Variants in HECW2 observed in about 807,000 individuals in gnomAD.
HECW2 encodes HECT, C2 and WW domain containing E3 ubiquitin protein ligase 2.
In HECW2, 61 loss-of-function variants were observed where a neutral mutation model predicts 175.2. The observed-to-expected ratio is 0.35, with a 90% CI of 0.28 to 0.43. The LOEUF (loss-of-function observed/expected upper bound fraction) is 0.43, where lower values mean the gene tolerates loss of function less well. Among genes scored for constraint, HECW2 ranks in the 20% least tolerant of loss-of-function variants. The pLI, the probability that HECW2 is intolerant of heterozygous loss-of-function variation, is 1.00. For missense variants in HECW2, 1,524 were observed against 2,000.5 expected, an observed-to-expected ratio of 0.76 and a Z score of 4.54; for synonymous variants, 671 against 731.0, an observed-to-expected ratio of 0.92 and a Z score of 1.32.
At chr2:196,484,321 T>TC (rs1368455295) in intron 1 of HECW2, among the ~76,000 whole-genome samples, 1 of 152,202 alleles carries the variant, frequency 6.6e-6, no homozygotes, top group African/African-American at 2.4e-5. Context: ...ACTAGGTTAC[T>TC]CCTCTTGCAA....
At chr2:196,531,424 G>A (rs758387857) in intron 1 of HECW2, among the ~76,000 whole-genome samples, 1 of 152,170 alleles carries the variant, frequency 6.6e-6, no homozygotes, top group African/African-American at 2.4e-5. Context: ...TTGGGAGGCT[G>A]AAGTGGATGG....
At chr2:196,243,912 T>C (rs1258559785) in intron 19 of HECW2, among the ~76,000 whole-genome samples, 1 of 152,218 alleles carries the variant, frequency 6.6e-6, no homozygotes, top group Non-Finnish European at 1.5e-5. Context: ...AATCTGGTTT[T>C]GTGTCACTGG....
chr2:196,269,920 T>C (rs1034263583), intron 17 of HECW2, among the ~76,000 whole-genome samples: 31 of 152,198 alleles, frequency 2.0e-4, no homozygotes, highest in Admixed American at 2.0e-3. Flanking sequence ...ATTAAATTTC[T>C]GGGTAGGGCA....
chr2:196,402,573 AGT>A (rs1694850543), intron 2 of HECW2, among the ~76,000 whole-genome samples: 1 of 152,172 alleles, frequency 6.6e-6, no homozygotes, highest in African/African-American at 2.4e-5. Flanking sequence ...GCTTTTTGTC[AGT>A]GTGAGTGATA....
chr2:196,429,245 G>GC (rs1695636175), intron 2 of HECW2, among the ~76,000 whole-genome samples: 1 of 151,714 alleles, frequency 6.6e-6, no homozygotes, highest in African/African-American at 2.4e-5. Flanking sequence ...GAGCCTGGGG[G>GC]GGGCCTACCT....
In HECW2 at chr2:196,397,692, T is replaced by A. The variant is rs1575499720; in HGVS notation, c.292+35440A>T. Among the ~76,000 whole-genome samples the A allele has an allele frequency of 2.6e-5, 4 of 152,332 alleles. No individual in the cohort carries two copies. The Middle Eastern group carries it at 0.014, about 518-fold the overall frequency. Reference sequence around the variant, plus strand: ...AATGGCCAAGGCATGTTTTCCCGTTTAAATTAAGAAAGTAAATTGCAACAA... The same window carrying A: ...AATGGCCAAGGCATGTTTTCCCGTTAAAATTAAGAAAGTAAATTGCAACAA... On this transcript the variant is annotated intron_variant, in intron 2 of 28. Coordinates refer to ENST00000644978, the MANE Select transcript of HECW2 (RefSeq NM_001348768.2).
intron 19 of HECW2, among the ~76,000 whole-genome samples, chr2:196,245,097 A>C (rs143469431): frequency 6.6e-6 from 1 of 152,234 alleles, no homozygotes; most frequent in African/African-American, 2.4e-5. Context: ...GACTCAGAGA[A>C]ACATCTACAA....
At position 196,282,355 on chromosome 2, in the gene HECW2, T is replaced by C. The variant is rs1398190737; in HGVS notation, c.3001-3693A>G. Among the ~76,000 whole-genome samples, 8 of 152,314 alleles carry C rather than the reference T, an allele frequency of 5.3e-5. No individual in the cohort carries two copies. In the South Asian group the frequency reaches 1.0e-3, roughly 20 times the overall value. On this transcript the variant is annotated intron_variant, in intron 14 of 28. Coordinates refer to ENST00000644978, the MANE Select transcript of HECW2 (RefSeq NM_001348768.2). ...ATTGTTGAGGAAAAGAGTCAAACTC[T>C]GTAAAATATTTGAAGAGATTTATTC...
rs1331668530 is a variant in HECW2 at position 196,559,935 on chromosome 2, G to A, written c.-36+33573C>T. Among the ~76,000 whole-genome samples the A allele has an allele frequency of 2.6e-5, 4 of 152,148 alleles. No homozygotes were observed. The East Asian group carries it at 7.7e-4, about 29-fold the overall frequency. On this transcript the variant is annotated intron_variant, in intron 1 of 28. Transcript: ENST00000644978. ...TTCCTAATTATGCTATTTAGTATCTGCAGGTACTTCACAAGATGAGTCTTT... is the reference window on the plus strand; with the variant it reads ...TTCCTAATTATGCTATTTAGTATCTACAGGTACTTCACAAGATGAGTCTTT...
chr2:196,425,054 A>G (rs567544888), intron 2 of HECW2, among the ~76,000 whole-genome samples: 35 of 152,232 alleles, frequency 2.3e-4, no homozygotes, highest in African/African-American at 8.2e-4. Flanking sequence ...CTCATTTACC[A>G]TTCCAGAAAT....
chr2:196,538,127 G>A (rs1370714800), intron 1 of HECW2, among the ~76,000 whole-genome samples: 2 of 152,128 alleles, frequency 1.3e-5, no homozygotes, highest in Non-Finnish European at 1.5e-5. Flanking sequence ...TACCTGCATC[G>A]TTTCTCTACC....
At chr2:196,323,495 A>G (rs1692025219) in intron 6 of HECW2, among the ~76,000 whole-genome samples, 1 of 152,216 alleles carries the variant, frequency 6.6e-6, no homozygotes, top group Non-Finnish European at 1.5e-5. Flanking sequence ...GTGTTAGCCA[A>G]CTTTTCACTT....
chr2:196,289,238 T>G (rs1464908122), intron 14 of HECW2: 1 of 152,240 alleles, frequency 6.6e-6, no homozygotes, highest in Non-Finnish European at 1.5e-5. Flanking sequence ...CCATTTCCTT[T>G]CATGCAGATG....
chr2:196,580,988 T>G (rs534541549), intron 1 of HECW2, among the ~76,000 whole-genome samples: 3 of 152,298 alleles, frequency 2.0e-5, no homozygotes, highest in African/African-American at 7.2e-5. Flanking sequence ...TAGTGACACA[T>G]GCTACAACAT....
intron 1 of HECW2, among the ~76,000 whole-genome samples, chr2:196,519,923 C>T (rs990163959): frequency 6.6e-6 from 1 of 152,130 alleles, no homozygotes; most frequent in African/African-American, 2.4e-5. Flanking sequence ...CCCTCCAATC[C>T]ACACTAGTGA....
chr2:196,358,607 A>G (rs986211693), intron 2 of HECW2, among the ~76,000 whole-genome samples: 6 of 150,046 alleles, frequency 4.0e-5, no homozygotes, highest in Non-Finnish European at 8.9e-5. Flanking sequence ...AAAAAAAAAA[A>G]AAAAAAAAAA....
At chr2:196,400,217 G>A (rs1446061481) in intron 2 of HECW2, among the ~76,000 whole-genome samples, 1 of 152,130 alleles carries the variant, frequency 6.6e-6, no homozygotes, top group East Asian at 1.9e-4. Flanking sequence ...CCTTCACTAT[G>A]GGATTCTTGA....
intron 2 of HECW2, among the ~76,000 whole-genome samples, chr2:196,386,096 T>C (rs1427857550): frequency 6.6e-6 from 1 of 152,174 alleles, no homozygotes; most frequent in Admixed American, 6.5e-5. Context: ...ACTCAATAAC[T>C]GTTTACTGAG....
intron 1 of HECW2, among the ~76,000 whole-genome samples, chr2:196,451,726 C>A (rs774466435): frequency 6.6e-6 from 1 of 152,038 alleles, no homozygotes; most frequent in Non-Finnish European, 1.5e-5. Flanking sequence ...TGGTGAAACC[C>A]CGTCTCTACT....
Sources: allele counts gnomAD v4.1 joint callset (sites outside exome capture counted in the v4.1 genomes callset), GRCh38; gene constraint gnomAD v4.1.1; transcripts MANE v1.5; gene names NCBI Gene and HGNC (gene_info 2026-07-23, HGNC 2026-07-21).